Variants in SKA2 observed in about 807,000 individuals in gnomAD.
SKA2 encodes the protein spindle and kinetochore-associated protein 2.
A neutral mutation model predicts 16.9 loss-of-function variants in SKA2; 13 were observed. The ratio of observed to expected loss-of-function variants is 0.77; its 90% CI spans 0.50 to 1.22. The LOEUF is 1.22. Ranked by LOEUF, SKA2 falls within the 50% of genes most tolerant of loss-of-function variation. The pLI, the probability that SKA2 is intolerant of heterozygous loss-of-function variation, is 0.00. For synonymous variants in SKA2, 47 were observed against 48.5 expected (o/e 0.97, Z 0.13); for missense variants, 107 against 139.7 (o/e 0.77, Z 1.18).
chr17:59,122,824 T>C (rs1015428258), intron 2 of SKA2, among the ~76,000 whole-genome samples: 2 of 151,846 alleles, frequency 1.3e-5, no homozygotes, highest in Non-Finnish European at 2.9e-5. Flanking sequence ...GGTTTCGCCA[T>C]GTTGGCCAGG....
At chr17:59,130,476 A>T (rs76978915) in intron 2 of SKA2, among the ~76,000 whole-genome samples, 1 of 151,064 alleles carries the variant, frequency 6.6e-6, no homozygotes, top group Non-Finnish European at 1.5e-5. Flanking sequence ...AAAAAAAAAA[A>T]AAAATTAGCT....
At chr17:59,145,604 T>G (rs770513016) in intron 1 of SKA2, among the ~76,000 whole-genome samples, 10 of 152,156 alleles carry the variant, frequency 6.6e-5, no homozygotes, top group African/African-American at 9.7e-5. Context: ...ATATGTGTAC[T>G]TAATCACAGA....
chr17:59,151,071 T>G, intron 1 of SKA2: 1 of 467,630 alleles, frequency 2.1e-6, no homozygotes. Context: ...CAACAAAGGT[T>G]GTGGTAAATT....
chr17:59,120,235 A>T (rs2046323702), intron 2 of SKA2, among the ~76,000 whole-genome samples: 1 of 152,022 alleles, frequency 6.6e-6, no homozygotes. Flanking sequence ...TATCATGGGG[A>T]TAAAGTATGT....
chr17:59,148,808 CA>C (rs758187008), intron 1 of SKA2, among the ~76,000 whole-genome samples: 717 of 47,556 alleles, frequency 0.015, 2 homozygotes, highest in Middle Eastern at 0.05. Context: ...GACCCTGTCT[CA>C]AAAAAAAAAA....
At position 59,155,172 on chromosome 17, in the gene SKA2, G is replaced by C; in HGVS notation, c.-9C>G. On this transcript the variant is annotated 5_prime_UTR_variant, in exon 1 of 4. Coordinates refer to ENST00000330137, the MANE Select transcript of SKA2 (RefSeq NM_182620.4). Reference sequence around the variant, plus strand: ...TCGACCTCCGCCTCCATGTTGAATAGTTGACATTCCGCAGACCGCGGCGGC... The same window carrying C: ...TCGACCTCCGCCTCCATGTTGAATACTTGACATTCCGCAGACCGCGGCGGC... 1 of 1,613,984 alleles carries C rather than the reference G, an allele frequency of 6.2e-7. No homozygotes were observed. Among genetic ancestry groups the C allele is most frequent in the Non-Finnish European group, 8.5e-7 (1 of 1,179,890 alleles).
At chr17:59,150,146 A>G (rs1299417740) in intron 1 of SKA2, among the ~76,000 whole-genome samples, 1 of 152,128 alleles carries the variant, frequency 6.6e-6, no homozygotes, top group Non-Finnish European at 1.5e-5. Context: ...AGTCCAAGCT[A>G]CTCAGGAGGC....
At chr17:59,135,820 T>C (rs1363800552) in intron 1 of SKA2, among the ~76,000 whole-genome samples, 1 of 148,172 alleles carries the variant, frequency 6.7e-6, no homozygotes, top group African/African-American at 2.4e-5. Context: ...CATATTTAAT[T>C]TTATATTTTA....
At chr17:59,132,836 T>C (rs1024265098) in intron 1 of SKA2, among the ~76,000 whole-genome samples, 1 of 152,216 alleles carries the variant, frequency 6.6e-6, no homozygotes, top group African/African-American at 2.4e-5. Flanking sequence ...AAAATGATAA[T>C]GTATAGACAG....
At chr17:59,148,808 CAAAAAAAAAAA>C (rs758187008) in intron 1 of SKA2, among the ~76,000 whole-genome samples, 2 of 47,582 alleles carry the variant, frequency 4.2e-5, no homozygotes, top group African/African-American at 8.0e-5. Context: ...GACCCTGTCT[CAAAAAAAAAAA>C]AAAAAAAAAA....
intron 3 of SKA2, among the ~76,000 whole-genome samples, chr17:59,117,019 G>GTCAGCCAGGA (rs1465316203): frequency 6.6e-6 from 1 of 151,852 alleles, no homozygotes; most frequent in Admixed American, 6.6e-5. Flanking sequence ...GTTTCACCAT[G>GTCAGCCAGGA]TCAGCCAGGA....
chr17:59,119,367 T>C lies in SKA2; in HGVS notation c.249A>G (p.Lys83=). 1.9e-6 allele frequency: 3 copies of C among 1,613,986 alleles called. No homozygotes were observed. The highest frequency in any genetic ancestry group is 2.5e-6 in the Non-Finnish European group (3 of 1,179,874). ...ESKSRICATV[K]KTMNMIQKLQ... ...GTTTTTGTATCATATTCATAGTCTT[T>C]TTCACAGTAGCACAAATGCGGCTCT... Residue 83 remains lysine, a synonymous_variant, in exon 3 of 4, where the codon AAA becomes AAG. Transcript: ENST00000330137.
chr17:59,110,435 T>C lies in SKA2; in HGVS notation c.*1842A>G, dbSNP rs1488892816. On this transcript the variant is annotated 3_prime_UTR_variant, in exon 4 of 4. Transcript: ENST00000330137. ...CTCATGACAAGAGCTTTCTAAATAC[T>C]AATTGCCTGAACACTGAAGAAAATT... The C allele has an allele frequency of 1.3e-5, 2 of 152,076 alleles. No individual in the cohort carries two copies. The highest frequency in any genetic ancestry group is 2.9e-5 in the Non-Finnish European group (2 of 68,008). The allele number at this position is 152,076 out of a possible 1,614,324, so 9.4% of individuals were successfully genotyped here.
In SKA2 at chr17:59,122,295, G is replaced by A. The variant is rs558994484; in HGVS notation, c.121-2800C>T. On this transcript the variant is annotated intron_variant, in intron 2 of 3. Transcript: ENST00000330137. Reference sequence around the variant, plus strand: ...TCAGTACCAGCCTGGGCAACATAGCGTGAAACCTCATCTCTACAAAAAATA... The same window carrying A: ...TCAGTACCAGCCTGGGCAACATAGCATGAAACCTCATCTCTACAAAAAATA... Among the ~76,000 whole-genome samples, 119 of 152,078 alleles carry A rather than the reference G, an allele frequency of 7.8e-4. 2 individuals are homozygous for A. The highest frequency in any genetic ancestry group is 1.4e-3 in the Non-Finnish European group (92 of 67,990).
chr17:59,134,070 A>C (rs1233868166), intron 1 of SKA2, among the ~76,000 whole-genome samples: 2 of 152,302 alleles, frequency 1.3e-5, no homozygotes, highest in South Asian at 2.1e-4. Flanking sequence ...TAAAAATACT[A>C]ATGTTTGTGT....
intron 2 of SKA2, among the ~76,000 whole-genome samples, chr17:59,126,644 C>T (rs896341759): frequency 1.3e-5 from 2 of 151,870 alleles, no homozygotes; most frequent in East Asian, 1.9e-4. Context: ...CTATAACACA[C>T]GAAAAAGGGA....
intron 1 of SKA2, 144 bp downstream of exon 1, chr17:59,154,987 C>T (rs1163474796): frequency 6.2e-7 from 1 of 1,613,906 alleles, no homozygotes; most frequent in Non-Finnish European, 8.5e-7. Flanking sequence ...ACGGTGGCGG[C>T]TCCCTTTGGT....
At chr17:59,122,076 G>A (rs2046339226) in intron 2 of SKA2, among the ~76,000 whole-genome samples, 1 of 152,116 alleles carries the variant, frequency 6.6e-6, no homozygotes, top group Non-Finnish European at 1.5e-5. Flanking sequence ...TGTTTCCATG[G>A]GAGAAAATAA....
In SKA2 at chr17:59,112,346, C is replaced by T. The variant is rs777607738; in HGVS notation, c.298-1G>A. 6.2e-7 allele frequency: 1 copy of T among 1,604,824 alleles called. No homozygotes were observed. The highest frequency in any genetic ancestry group is 1.1e-5 in the South Asian group (1 of 89,396). ...TCTCTTCTTTAGTCAGTGGTGACAG[C>T]TAGAAAATAAATGATAAAATCTTTA... On this transcript the variant is annotated splice_acceptor_variant, in intron 3 of 3. Transcript: ENST00000330137. LOFTEE classifies it high-confidence loss of function.
Sources: gnomAD v4.1 joint callset for allele counts (sites outside exome capture counted in the v4.1 genomes callset) on GRCh38, gnomAD v4.1.1 for gene constraint, MANE v1.5 for transcripts, NCBI Gene and HGNC (gene_info 2026-07-23, HGNC 2026-07-21) for gene names.